Variants in OPCML observed in about 807,000 individuals in gnomAD.
OPCML encodes the protein opioid-binding protein/cell adhesion molecule.
Under a neutral mutation model 37.8 loss-of-function variants are expected in OPCML, and 13 were observed. That is an observed-to-expected ratio of 0.34 (90% CI 0.22 to 0.55). OPCML has a LOEUF of 0.55. Among genes scored for constraint, OPCML ranks in the 20% least tolerant of loss-of-function variants. The pLI is 0.91. For missense variants in OPCML, 341 were observed against 435.6 expected (o/e 0.78, Z 1.93); for synonymous variants, 176 against 168.8 (o/e 1.04, Z -0.33).
chr11:133,348,797 G>A lies in OPCML; in HGVS notation c.61+183467C>T, dbSNP rs961385206. ...TGTCGAGGTGAGGTAGACCATGTGG[G>A]ACAGACTTCATCGATATTTATACCG... On this transcript the variant is annotated intron_variant, in intron 1 of 7. Transcript: ENST00000524381. 2.0e-5 allele frequency among the ~76,000 whole-genome samples: 3 copies of A among 152,306 alleles called. 1 individual carries two copies. The highest frequency in any genetic ancestry group is 2.4e-5 in the African/African-American group (1 of 41,574).
At chr11:133,298,991 A>G (rs547364085) in intron 1 of OPCML, 2 of 143,748 alleles carry the variant, frequency 1.4e-5, no homozygotes, top group Admixed American at 1.4e-4. Flanking sequence ...GATCAGCAGG[A>G]AAAAAAAAAA....
intron 2 of OPCML, among the ~76,000 whole-genome samples, chr11:132,852,965 T>C (rs1272153469): frequency 1.3e-5 from 2 of 150,708 alleles, no homozygotes; most frequent in Non-Finnish European, 2.9e-5. Context: ...AAGCCTAAAA[T>C]ATTTTCTTTC....
chr11:133,517,563 T>C (rs958075060), intron 1 of OPCML, among the ~76,000 whole-genome samples: 1 of 152,196 alleles, frequency 6.6e-6, no homozygotes, highest in Admixed American at 6.5e-5. Flanking sequence ...GGGTTTGGAC[T>C]GTACAGACAG....
At chr11:133,004,576 G>C in intron 1 of OPCML, 1 of 985,456 alleles carries the variant, frequency 1.0e-6, no homozygotes, top group African/African-American at 1.7e-5. Flanking sequence ...TGCCCATGCA[G>C]GCACTGCTGC....
chr11:133,363,062 G>A (rs553282854), intron 1 of OPCML, among the ~76,000 whole-genome samples: 2 of 152,264 alleles, frequency 1.3e-5, no homozygotes, highest in South Asian at 2.1e-4. Context: ...ACAAGAAAGG[G>A]CAATACCCTG....
chr11:133,375,639 C>G (rs983938230), intron 1 of OPCML, among the ~76,000 whole-genome samples: 6 of 152,134 alleles, frequency 3.9e-5, no homozygotes, highest in Non-Finnish European at 8.8e-5. Flanking sequence ...CTACTATACT[C>G]TGCCTTCTCC....
chr11:132,923,112 A>C (rs947523110), intron 2 of OPCML, among the ~76,000 whole-genome samples: 3 of 151,450 alleles, frequency 2.0e-5, no homozygotes, highest in African/African-American at 7.3e-5. Flanking sequence ...AATAATAATA[A>C]TATGGCCGGA....
At chr11:133,012,524 T>C (rs1591910202) in intron 1 of OPCML, among the ~76,000 whole-genome samples, 1 of 152,274 alleles carries the variant, frequency 6.6e-6, no homozygotes, top group African/African-American at 2.4e-5. Context: ...ACTCAACTCA[T>C]AGTTTAGATT....
In OPCML at chr11:133,490,890, T is replaced by TTA. The variant is rs1427778650; in HGVS notation, c.61+41372_61+41373dup. On this transcript the variant is annotated intron_variant, in intron 1 of 7. Coordinates refer to ENST00000524381, the MANE Select transcript of OPCML (RefSeq NM_001012393.5). ...TCAACGTTATGCTGTTCCATAACTC[T>TTA]TATCCCCTTATACCATAGAGTTTAT... 3.9e-5 allele frequency among the ~76,000 whole-genome samples: 6 copies of TTA among 152,358 alleles called. No homozygotes were observed. The East Asian group carries it at 9.6e-4, about 24-fold the overall frequency.
chr11:133,373,448 T>TATATATATATATATATATATATGTAC (rs966091785), intron 1 of OPCML, among the ~76,000 whole-genome samples: 5 of 132,176 alleles, frequency 3.8e-5, no homozygotes, highest in Non-Finnish European at 1.6e-5. Context: ...TATATATATA[T>TATATATATATATATATATATATGTAC]ACACACACAC....
intron 2 of OPCML, among the ~76,000 whole-genome samples, chr11:132,709,997 G>A (rs979711714): frequency 1.3e-5 from 2 of 152,144 alleles, no homozygotes; most frequent in African/African-American, 2.4e-5. Flanking sequence ...AATGTTTAGT[G>A]CTTACAAAAT....
At chr11:133,200,347 T>G (rs193164942) in intron 1 of OPCML, among the ~76,000 whole-genome samples, 67 of 152,338 alleles carry the variant, frequency 4.4e-4, no homozygotes, top group African/African-American at 1.5e-3. Context: ...GAGAAGATAC[T>G]CATTTTATAC....
intron 1 of OPCML, among the ~76,000 whole-genome samples, chr11:133,093,057 A>G (rs1948935923): frequency 6.6e-6 from 1 of 152,156 alleles, no homozygotes; most frequent in African/African-American, 2.4e-5. Context: ...CATAGTAACT[A>G]TAATAATTAT....
At position 132,897,311 on chromosome 11, in the gene OPCML, C is replaced by T. The variant is rs553285037; in HGVS notation, c.146+45615G>A. On this transcript the variant is annotated intron_variant, in intron 2 of 7. Transcript: ENST00000524381. ...CTACTGGGCCTTAATAGAAACTGAA[C>T]GCTTGACCATGGGCCACCAATTACC... Among the ~76,000 whole-genome samples, 106 of 152,262 alleles carry T rather than the reference C, an allele frequency of 7.0e-4. 2 individuals are homozygous for T. The highest frequency in any genetic ancestry group is 5.6e-3 in the Admixed American group (86 of 15,284).
At chr11:132,462,236 CTT>C (rs1349897626) in intron 4 of OPCML, among the ~76,000 whole-genome samples, 1 of 152,174 alleles carries the variant, frequency 6.6e-6, no homozygotes, top group Non-Finnish European at 1.5e-5. Flanking sequence ...CACACACACA[CTT>C]TTTGGTGATC....
intron 1 of OPCML, among the ~76,000 whole-genome samples, chr11:133,238,425 T>C (rs138427645): frequency 1.3e-5 from 2 of 152,392 alleles, no homozygotes; most frequent in African/African-American, 2.4e-5. Context: ...TTATTACAAT[T>C]ATAATGTCTC....
intron 1 of OPCML, among the ~76,000 whole-genome samples, chr11:133,338,577 G>A (rs1434091309): frequency 2.0e-5 from 3 of 152,176 alleles, no homozygotes; most frequent in Non-Finnish European, 4.4e-5. Flanking sequence ...ACTCTGCACT[G>A]GACTTACCAC....
At chr11:132,708,183 A>T (rs1178781570) in intron 2 of OPCML, among the ~76,000 whole-genome samples, 2 of 152,228 alleles carry the variant, frequency 1.3e-5, no homozygotes, top group Non-Finnish European at 2.9e-5. Context: ...CTAGAAAATG[A>T]TTCCTATGCT....
At chr11:132,481,804 C>T (rs1265618163) in intron 4 of OPCML, among the ~76,000 whole-genome samples, 332 of 148,638 alleles carry the variant, frequency 2.2e-3, no homozygotes, top group African/African-American at 8.0e-3. Context: ...CTGAACAACC[C>T]GCTCCTGAAT....
Sources: gnomAD v4.1 joint callset for allele counts (sites outside exome capture counted in the v4.1 genomes callset) on GRCh38, gnomAD v4.1.1 for gene constraint, MANE v1.5 for transcripts, NCBI Gene and HGNC (gene_info 2026-07-23, HGNC 2026-07-21) for gene names.